BMERB1: variants seen among roughly 807,000 people sequenced by gnomAD.
BMERB1 encodes the protein bMERB domain-containing protein 1.
In BMERB1, 12 loss-of-function variants were observed where a neutral mutation model predicts 23.6. The ratio of observed to expected loss-of-function variants is 0.51; its 90% CI spans 0.33 to 0.82. BMERB1 has a LOEUF of 0.82. BMERB1 is among the 40% of genes least tolerant of loss of function. BMERB1 has a pLI of 0.03. For missense variants in BMERB1, 247 were observed against 255.4 expected, an observed-to-expected ratio of 0.97 and a Z score of 0.22; for synonymous variants, 122 against 96.6, an observed-to-expected ratio of 1.26 and a Z score of -1.54.
chr16:15,534,719 C>T (rs541603297), intron 2 of BMERB1, among the ~76,000 whole-genome samples: 6 of 152,242 alleles, frequency 3.9e-5, no homozygotes, highest in African/African-American at 1.2e-4. Flanking sequence ...TTTCCACACA[C>T]GGGGTCCAGT....
At chr16:15,451,824 C>T (rs1949281697) in intron 1 of BMERB1, among the ~76,000 whole-genome samples, 1 of 145,636 alleles carries the variant, frequency 6.9e-6, no homozygotes, top group Non-Finnish European at 1.5e-5. Context: ...GAGCCTCCTG[C>T]CTCAGCCTCC....
chr16:15,572,982 G>T lies in BMERB1; in HGVS notation c.304+4926G>T, dbSNP rs557246195. Among the ~76,000 whole-genome samples, 7 of 152,264 alleles carry T rather than the reference G, an allele frequency of 4.6e-5. No homozygotes were observed. In the South Asian group the frequency reaches 1.2e-3, roughly 27 times the overall value. On this transcript the variant is annotated intron_variant, in intron 3 of 5. Coordinates refer to ENST00000300006, the MANE Select transcript of BMERB1 (RefSeq NM_033201.3). ...GTGCCTTTTGCCTTCTGCCGTGATT[G>T]TGAGGCCTCCCCAGCCACGTGGAAC...
intron 1 of BMERB1, among the ~76,000 whole-genome samples, chr16:15,458,930 C>T (rs1376280606): frequency 6.6e-6 from 1 of 152,072 alleles, no homozygotes; most frequent in Non-Finnish European, 1.5e-5. Context: ...CATAGTGAAA[C>T]CCCATCCCTA....
chr16:15,475,038 G>T (rs2051263332), intron 1 of BMERB1, among the ~76,000 whole-genome samples: 1 of 152,060 alleles, frequency 6.6e-6, no homozygotes, highest in Admixed American at 6.6e-5. Flanking sequence ...ATAGTATGAG[G>T]GGTGGTTGGG....
At position 15,578,223 on chromosome 16, in the gene BMERB1, CCT is replaced by C. The variant is rs200118470; in HGVS notation, c.305-2991_305-2990del. 4.6e-3 allele frequency among the ~76,000 whole-genome samples: 679 copies of C among 146,512 alleles called. 1 individual carries two copies. The highest frequency in any genetic ancestry group is 5.5e-3 in the African/African-American group (215 of 39,168). ...TGTGTGTCTGTGTGTCTTCTCTTCT[CCT>C]CTTTTTTTTTTTTTTTTTCTAAAAG... On this transcript the variant is annotated intron_variant, in intron 3 of 5. Transcript: ENST00000300006.
intron 1 of BMERB1, among the ~76,000 whole-genome samples, chr16:15,452,343 A>AGAGAGG (rs2051050304): frequency 2.2e-5 from 1 of 45,288 alleles, no homozygotes; most frequent in Non-Finnish European, 5.3e-5. Flanking sequence ...AGAGAGAGAG[A>AGAGAGG]GAGAGAGAGA....
intron 1 of BMERB1, among the ~76,000 whole-genome samples, chr16:15,468,135 CTTTTTTTTTTTTTTT>C (rs749534588): frequency 0.014 from 426 of 31,064 alleles, 4 homozygotes; most frequent in African/African-American, 0.035. Flanking sequence ...CTTTCTTCTT[CTTTTTTTTTTTTTTT>C]TTTTTTTTTT....
chr16:15,571,245 G>C (rs756728316), intron 3 of BMERB1, among the ~76,000 whole-genome samples: 1 of 152,164 alleles, frequency 6.6e-6, no homozygotes, highest in Non-Finnish European at 1.5e-5. Flanking sequence ...CCCAAGCGAG[G>C]TCAGGGGGGT....
chr16:15,475,428 C>G (rs952377398), intron 1 of BMERB1, among the ~76,000 whole-genome samples: 8 of 152,170 alleles, frequency 5.3e-5, no homozygotes, highest in Non-Finnish European at 8.8e-5. Flanking sequence ...ACAGAACTCC[C>G]TGAAAGCTGT....
chr16:15,575,396 A>C (rs1596402437), intron 3 of BMERB1, among the ~76,000 whole-genome samples: 1 of 152,220 alleles, frequency 6.6e-6, no homozygotes, highest in Non-Finnish European at 1.5e-5. Context: ...CTTCTTACTG[A>C]TAAGTTGCTT....
intron 1 of BMERB1, among the ~76,000 whole-genome samples, chr16:15,505,671 T>A (rs769825783): frequency 6.6e-6 from 1 of 151,930 alleles, no homozygotes; most frequent in South Asian, 2.1e-4. Flanking sequence ...GGGTGGGTCA[T>A]GAGGTCAGGA....
At chr16:15,579,046 A>G (rs942742732) in intron 3 of BMERB1, among the ~76,000 whole-genome samples, 5 of 152,074 alleles carry the variant, frequency 3.3e-5, no homozygotes, top group African/African-American at 4.8e-5. Flanking sequence ...GAATGCCTCT[A>G]TTGGTGAGTG....
chr16:15,435,299 G>A (rs1431120577), intron 1 of BMERB1, among the ~76,000 whole-genome samples: 7 of 152,210 alleles, frequency 4.6e-5, no homozygotes, highest in African/African-American at 1.7e-4. Flanking sequence ...GGCGGCAAAA[G>A]GGTCAAAAGG....
intron 1 of BMERB1, among the ~76,000 whole-genome samples, chr16:15,494,908 G>T (rs1362085823): frequency 5.9e-5 from 8 of 136,552 alleles, no homozygotes; most frequent in South Asian, 4.8e-4. Context: ...TTTTGAGAAG[G>T]AGTCTTGCTC....
At chr16:15,534,331 G>A (rs566955045) in intron 2 of BMERB1, among the ~76,000 whole-genome samples, 26 of 147,810 alleles carry the variant, frequency 1.8e-4, no homozygotes, top group Non-Finnish European at 3.7e-4. Context: ...GGCCAGGCGC[G>A]GTGGCTCACG....
At chr16:15,502,537 A>G (rs1598475984) in intron 1 of BMERB1, among the ~76,000 whole-genome samples, 1 of 152,270 alleles carries the variant, frequency 6.6e-6, no homozygotes, top group African/African-American at 2.4e-5. Context: ...TTCACGTTAT[A>G]GCAAGAAGGC....
At chr16:15,549,348 CAAA>C (rs11367653) in intron 2 of BMERB1, among the ~76,000 whole-genome samples, 11 of 93,880 alleles carry the variant, frequency 1.2e-4, no homozygotes, top group Admixed American at 2.3e-4. Flanking sequence ...GATTCTATCT[CAAA>C]AAAAAAAAAA....
chr16:15,576,398 GT>G (rs1452178380), intron 3 of BMERB1, among the ~76,000 whole-genome samples: 1 of 152,088 alleles, frequency 6.6e-6, no homozygotes, highest in African/African-American at 2.4e-5. Context: ...AGCAGGGACG[GT>G]TAGGAACCGC....
intron 1 of BMERB1, among the ~76,000 whole-genome samples, chr16:15,473,023 C>T (rs1033939779): frequency 6.6e-6 from 1 of 152,026 alleles, no homozygotes; most frequent in African/African-American, 2.4e-5. Flanking sequence ...CTATGCCTAG[C>T]TAATTTTTGT....
Sources: gnomAD v4.1 joint callset for allele counts (sites outside exome capture counted in the v4.1 genomes callset) on GRCh38, gnomAD v4.1.1 for gene constraint, MANE v1.5 for transcripts, NCBI Gene and HGNC (gene_info 2026-07-23, HGNC 2026-07-21) for gene names.